UQCC6: variants seen among roughly 807,000 people sequenced by gnomAD.
UQCC6 encodes the protein ubiquinol-cytochrome c reductase complex assembly factor 6.
chr12:103,954,729 A>C, the UQCC6 span: 1 of 505,858 alleles, frequency 2.0e-6, no homozygotes, highest in Non-Finnish European at 3.5e-6. Flanking sequence ...AACAAGAAAC[A>C]GTAGTTAACG....
the UQCC6 span, among the ~76,000 whole-genome samples, chr12:103,962,092 T>C: frequency 6.6e-6 from 1 of 152,228 alleles, no homozygotes; most frequent in African/African-American, 2.4e-5. Flanking sequence ...TCTCAGAATA[T>C]GACAAATGAC....
chr12:103,960,073 C>CTATT, the UQCC6 span, among the ~76,000 whole-genome samples: 3 of 152,034 alleles, frequency 2.0e-5, no homozygotes, highest in East Asian at 5.8e-4. Flanking sequence ...CCATGCCTGG[C>CTATT]TATTTATTTA....
the UQCC6 span, among the ~76,000 whole-genome samples, chr12:103,961,610 GCAGTGGCTCAATCTCGGCTCA>G: frequency 1.3e-5 from 2 of 152,096 alleles, no homozygotes; most frequent in Non-Finnish European, 2.9e-5. Flanking sequence ...AGGCTAGAGT[GCAGTGGCTCAATCTCGGCTCA>G]TTGCAACCTC....
At chr12:103,959,610 G>A in the UQCC6 span, among the ~76,000 whole-genome samples, 1 of 151,786 alleles carries the variant, frequency 6.6e-6, no homozygotes, top group East Asian at 2.0e-4. Flanking sequence ...TACTCGGGAG[G>A]CTGAGGCAGG....
At chr12:103,953,943 G>A in the UQCC6 span, among the ~76,000 whole-genome samples, 1 of 152,220 alleles carries the variant, frequency 6.6e-6, no homozygotes, top group African/African-American at 2.4e-5. Context: ...CATTACTGTG[G>A]AAGGTTCTTG....
the UQCC6 span, among the ~76,000 whole-genome samples, chr12:103,959,059 A>T: frequency 6.6e-6 from 1 of 152,228 alleles, no homozygotes; most frequent in Non-Finnish European, 1.5e-5. Flanking sequence ...AAATTGCTGT[A>T]ACTTTGTGCC....
At chr12:103,953,736 TATGGCCCTTCTAA>T in the UQCC6 span, 3 of 598,660 alleles carry the variant, frequency 5.0e-6, no homozygotes, top group Non-Finnish European at 9.0e-6. Context: ...GACCCTTCAA[TATGGCCCTTCTAA>T]AGGCTGTGGC....
the UQCC6 span, chr12:103,955,811 T>C: frequency 2.2e-6 from 1 of 455,998 alleles, no homozygotes; most frequent in Non-Finnish European, 4.4e-6. Flanking sequence ...ATTTGTGCCA[T>C]ACTTTCTCAT....
chr12:103,955,496 G>T, the UQCC6 span, among the ~76,000 whole-genome samples: 2 of 152,042 alleles, frequency 1.3e-5, no homozygotes, highest in Non-Finnish European at 2.9e-5. Flanking sequence ...AATTAGCTGG[G>T]TGTGATGGTA....
the UQCC6 span, chr12:103,951,487 T>G: frequency 3.4e-6 from 4 of 1,183,338 alleles, no homozygotes; most frequent in Non-Finnish European, 4.9e-6. Context: ...AAATACATAT[T>G]TAAGACTTAT....
chr12:103,951,746 A>G, the UQCC6 span: 2 of 590,956 alleles, frequency 3.4e-6, no homozygotes, highest in African/African-American at 1.9e-5. Flanking sequence ...CTTGCTTGCT[A>G]CTCAATGATA....
the UQCC6 span, among the ~76,000 whole-genome samples, chr12:103,959,744 A>C: frequency 1.6e-4 from 25 of 152,020 alleles, no homozygotes; most frequent in Admixed American, 1.0e-3. Context: ...CTTTTTTAAA[A>C]AAGAAATTGC....
the UQCC6 span, chr12:103,953,786 G>A: frequency 7.4e-6 from 4 of 541,964 alleles, no homozygotes; most frequent in Non-Finnish European, 1.0e-5. Context: ...CCAAGGTACA[G>A]GTAGCTGCTG....
At chr12:103,958,469 C>G in the UQCC6 span, among the ~76,000 whole-genome samples, 15 of 152,308 alleles carry the variant, frequency 9.8e-5, no homozygotes, top group South Asian at 3.1e-3. Context: ...TCCATGGCCT[C>G]ATTTCCCTAG....
At chr12:103,962,965 T>C in the UQCC6 span, among the ~76,000 whole-genome samples, 1 of 152,246 alleles carries the variant, frequency 6.6e-6, no homozygotes, top group Non-Finnish European at 1.5e-5. Context: ...TGAACTACCT[T>C]TGAAGCTTAG....
At chr12:103,952,218 ATAAC>A in the UQCC6 span, among the ~76,000 whole-genome samples, 1 of 152,304 alleles carries the variant, frequency 6.6e-6, no homozygotes, top group South Asian at 2.1e-4. Context: ...ATAGCCATAG[ATAAC>A]TATTAGTCTT....
At chr12:103,961,170 T>G in the UQCC6 span, among the ~76,000 whole-genome samples, 1 of 98,970 alleles carries the variant, frequency 1.0e-5, no homozygotes, top group African/African-American at 3.7e-5. Context: ...TTTCACAAAA[T>G]TTTTAAAAGT....
chr12:103,953,937 A>G, the UQCC6 span, among the ~76,000 whole-genome samples: 1 of 152,216 alleles, frequency 6.6e-6, no homozygotes, highest in African/African-American at 2.4e-5. Context: ...AAACTGCATT[A>G]CTGTGGAAGG....
the UQCC6 span, among the ~76,000 whole-genome samples, chr12:103,964,131 CTTTTTTTTTTTTTTTTTTTTTTTTT>C: frequency 1.4e-5 from 1 of 69,470 alleles, no homozygotes; most frequent in Non-Finnish European, 2.6e-5. Context: ...CTCCCATAAG[CTTTTTTTTTTTTTTTTTTTTTTTTT>C]TTTTTTTTTT....
Sources: gnomAD v4.1 joint callset for allele counts (sites outside exome capture counted in the v4.1 genomes callset) on GRCh38, gnomAD v4.1.1 for gene constraint, MANE v1.5 for transcripts, NCBI Gene and HGNC (gene_info 2026-07-23, HGNC 2026-07-21) for gene names.